The following CSMD1 variants were observed in gnomAD, a reference collection of about 807,000 sequenced individuals.
The protein encoded by CSMD1 is CUB and Sushi multiple domains 1.
CSMD1 carries 213 observed loss-of-function variants against 417.5 expected under a neutral mutation model. The ratio of observed to expected loss-of-function variants is 0.51; its 90% CI spans 0.46 to 0.57. The LOEUF (loss-of-function observed/expected upper bound fraction) is 0.57. Among genes scored for constraint, CSMD1 ranks in the 20% least tolerant of loss-of-function variants. CSMD1 has a pLI of 0.00. For missense variants in CSMD1, 6,923 were observed against 4,529.7 expected, an observed-to-expected ratio of 1.53 and a Z score of -15.17; for synonymous variants, 2,862 against 1,736.8, an observed-to-expected ratio of 1.65 and a Z score of -16.11.
At chr8:3,112,286 T>G (rs1484887212) in intron 42 of CSMD1, among the ~76,000 whole-genome samples, 1 of 152,230 alleles carries the variant, frequency 6.6e-6, no homozygotes, top group Non-Finnish European at 1.5e-5. Context: ...GACTCCGTGC[T>G]AGTAATTTAG....
intron 1 of CSMD1, among the ~76,000 whole-genome samples, chr8:4,810,587 C>T (rs908841417): frequency 1.3e-5 from 2 of 152,026 alleles, no homozygotes; most frequent in African/African-American, 2.4e-5. Flanking sequence ...GGCTGTGTGT[C>T]TGTATAATTG....
intron 3 of CSMD1, among the ~76,000 whole-genome samples, chr8:4,265,182 A>G (rs1184662567): frequency 2.6e-5 from 4 of 152,150 alleles, no homozygotes; most frequent in East Asian, 1.9e-4. Context: ...AACCTGTTTC[A>G]AAAGTAGCAA....
intron 3 of CSMD1, among the ~76,000 whole-genome samples, chr8:4,106,843 A>G (rs1341389079): frequency 6.6e-6 from 1 of 152,196 alleles, no homozygotes; most frequent in Non-Finnish European, 1.5e-5. Context: ...GAAGTCAGAG[A>G]GAAAAGAAAA....
At chr8:4,273,527 C>A (rs1804731869) in intron 3 of CSMD1, among the ~76,000 whole-genome samples, 1 of 152,064 alleles carries the variant, frequency 6.6e-6, no homozygotes, top group Admixed American at 6.6e-5. Context: ...AGAGGACATT[C>A]TATTAACTTC....
Position 3,290,884 on chromosome 8 carries a change from G to C in CSMD1, c.3951-6538C>G, listed in dbSNP as rs141147638. Among the ~76,000 whole-genome samples the C allele has an allele frequency of 2.2e-3, 334 of 152,138 alleles. 3 individuals carry two copies. Among genetic ancestry groups the C allele is most frequent in the African/African-American group, 7.7e-3 (319 of 41,426 alleles). ...TATATTGAATAGGAGTGGTGAGAGA[G>C]GGCATCCTGGTCTTGTGCCTGTTTT... On this transcript the variant is annotated intron_variant, in intron 25 of 69. Coordinates refer to ENST00000635120, the MANE Select transcript of CSMD1 (RefSeq NM_033225.6).
chr8:3,377,382 C>T (rs117611265), intron 18 of CSMD1, among the ~76,000 whole-genome samples: 730 of 152,222 alleles, frequency 4.8e-3, no homozygotes, highest in Non-Finnish European at 5.8e-3. Flanking sequence ...TACAGTCATG[C>T]TATTGATTCC....
intron 1 of CSMD1, among the ~76,000 whole-genome samples, chr8:4,720,489 C>T (rs1007922569): frequency 7.2e-5 from 11 of 152,178 alleles, no homozygotes; most frequent in Admixed American, 1.3e-4. Context: ...ATGATCTCGG[C>T]GCACTATAAC....
intron 1 of CSMD1, among the ~76,000 whole-genome samples, chr8:4,948,785 C>T (rs957178886): frequency 3.9e-5 from 6 of 152,106 alleles, no homozygotes; most frequent in Admixed American, 6.5e-5. Flanking sequence ...AAAGTCTTAA[C>T]GTGTTTTTAT....
intron 3 of CSMD1, among the ~76,000 whole-genome samples, chr8:4,206,187 G>T (rs535108130): frequency 6.6e-6 from 1 of 152,036 alleles, no homozygotes; most frequent in African/African-American, 2.4e-5. Flanking sequence ...GCTGAAAAAT[G>T]AGGATTTCTT....
intron 1 of CSMD1, among the ~76,000 whole-genome samples, chr8:4,877,391 G>A (rs969338269): frequency 2.0e-5 from 3 of 151,986 alleles, no homozygotes; most frequent in Middle Eastern, 3.4e-3. Context: ...ACAGAAAAAA[G>A]GAGTAATAAT....
At chr8:3,827,452 A>C (rs963980542) in intron 5 of CSMD1, among the ~76,000 whole-genome samples, 2 of 152,240 alleles carry the variant, frequency 1.3e-5, no homozygotes, top group African/African-American at 4.8e-5. Flanking sequence ...ATATTTTAAT[A>C]GTGCAAAACC....
intron 2 of CSMD1, among the ~76,000 whole-genome samples, chr8:4,434,676 C>G (rs1431768216): frequency 2.6e-5 from 4 of 152,132 alleles, no homozygotes; most frequent in African/African-American, 4.8e-5. Context: ...TACTTTTTGA[C>G]TGGAAAGGAA....
intron 2 of CSMD1, among the ~76,000 whole-genome samples, chr8:4,570,593 C>A (rs1369946963): frequency 2.6e-5 from 4 of 151,844 alleles, no homozygotes; most frequent in Non-Finnish European, 4.4e-5. Flanking sequence ...GGCCTATAGG[C>A]CTGAAATTTT....
chr8:4,275,497 G>A (rs149229281), intron 3 of CSMD1, among the ~76,000 whole-genome samples: 65 of 125,870 alleles, frequency 5.2e-4, no homozygotes, highest in African/African-American at 1.8e-3. Flanking sequence ...GGGAGTGATA[G>A]GAAAACAAAC....
intron 3 of CSMD1, among the ~76,000 whole-genome samples, chr8:4,377,996 A>G (rs1385939614): frequency 6.6e-6 from 1 of 152,202 alleles, no homozygotes; most frequent in Non-Finnish European, 1.5e-5. Context: ...CAACATTTAA[A>G]TATATTTGTA....
At chr8:3,884,488 T>G (rs973951055) in intron 5 of CSMD1, among the ~76,000 whole-genome samples, 15 of 152,154 alleles carry the variant, frequency 9.9e-5, no homozygotes, top group African/African-American at 3.6e-4. Context: ...CGCAGTAGCA[T>G]AACTTCACAC....
Position 3,753,219 on chromosome 8 carries a change from A to G in CSMD1, c.931+711T>C, listed in dbSNP as rs192093715. On this transcript the variant is annotated intron_variant, in intron 6 of 69. Transcript: ENST00000635120. ...TGATTGGGAAGGTCCATTATTTTCA[A>G]AGTCATGTTATTTTAATTTGGAAAT... Among the ~76,000 whole-genome samples the G allele has an allele frequency of 2.2e-3, 337 of 152,258 alleles. 10 individuals carry two copies. The highest frequency in any genetic ancestry group is 2.4e-4 in the Non-Finnish European group (16 of 68,026).
chr8:3,487,466 G>A (rs548740035), intron 11 of CSMD1, among the ~76,000 whole-genome samples: 1 of 152,272 alleles, frequency 6.6e-6, no homozygotes, highest in Non-Finnish European at 1.5e-5. Context: ...CTCCCCAAGT[G>A]TTGGGATTAC....
intron 2 of CSMD1, among the ~76,000 whole-genome samples, chr8:4,606,356 G>GA (rs77993049): frequency 1.2e-3 from 168 of 143,190 alleles, no homozygotes; most frequent in South Asian, 2.0e-3. Context: ...AACAGGGAGA[G>GA]AAAAAAAAAA....
Sources: gnomAD v4.1 joint callset for allele counts (sites outside exome capture counted in the v4.1 genomes callset) on GRCh38, gnomAD v4.1.1 for gene constraint, MANE v1.5 for transcripts, NCBI Gene and HGNC (gene_info 2026-07-23, HGNC 2026-07-21) for gene names.